ITFG1: variants seen among roughly 807,000 people sequenced by gnomAD.
ITFG1 encodes the protein integrin alpha FG-GAP repeat containing 1.
A neutral mutation model predicts 81.8 loss-of-function variants in ITFG1; 34 were observed. That is an observed-to-expected ratio of 0.42 (90% confidence interval 0.32 to 0.55). The LOEUF is 0.55. Ranked by LOEUF, ITFG1 falls within the 20% of genes least tolerant of loss-of-function variation. ITFG1 has a pLI of 0.17. For missense variants in ITFG1, 672 were observed against 755.4 expected (o/e 0.89, Z 1.29); for synonymous variants, 285 against 270.6 (o/e 1.05, Z -0.52).
chr16:47,332,621 G>A (rs1967650876), intron 8 of ITFG1, among the ~76,000 whole-genome samples: 2 of 152,010 alleles, frequency 1.3e-5, no homozygotes, highest in South Asian at 2.1e-4. Flanking sequence ...ACTATAAAAG[G>A]CCATAGAAAT....
intron 14 of ITFG1, among the ~76,000 whole-genome samples, chr16:47,186,221 A>C (rs908606031): frequency 6.6e-6 from 1 of 152,222 alleles, no homozygotes; most frequent in Non-Finnish European, 1.5e-5. Flanking sequence ...AAGTATTCCA[A>C]TCAACAGAAA....
intron 16 of ITFG1, among the ~76,000 whole-genome samples, chr16:47,160,973 T>A (rs1218460167): frequency 6.6e-6 from 1 of 152,204 alleles, no homozygotes. Context: ...GGGACCCCAC[T>A]GGTTACATAT....
At chr16:47,352,754 C>T (rs147648765) in intron 8 of ITFG1, among the ~76,000 whole-genome samples, 3,566 of 152,238 alleles carry the variant, frequency 0.023, 57 homozygotes, top group Non-Finnish European at 0.039. Flanking sequence ...AAGACACATG[C>T]ACACATATGT....
intron 13 of ITFG1, among the ~76,000 whole-genome samples, chr16:47,219,169 A>C (rs999968950): frequency 6.6e-6 from 1 of 152,184 alleles, no homozygotes; most frequent in Non-Finnish European, 1.5e-5. Flanking sequence ...AAAATTCTTA[A>C]GACTTTAAAT....
At chr16:47,223,268 C>G (rs941205861) in intron 13 of ITFG1, among the ~76,000 whole-genome samples, 2 of 152,040 alleles carry the variant, frequency 1.3e-5, no homozygotes, top group Non-Finnish European at 2.9e-5. Flanking sequence ...TTCTGCACAG[C>G]AAAAGAAACT....
chr16:47,415,612 G>C (rs1215489967), intron 6 of ITFG1, among the ~76,000 whole-genome samples: 1 of 152,084 alleles, frequency 6.6e-6, no homozygotes, highest in Non-Finnish European at 1.5e-5. Context: ...ATATGAAAAA[G>C]GAATTCCATT....
intron 14 of ITFG1, among the ~76,000 whole-genome samples, chr16:47,164,156 T>A (rs1031990059): frequency 6.6e-6 from 1 of 152,158 alleles, no homozygotes; most frequent in Admixed American, 6.5e-5. Context: ...TTTGTTGTTT[T>A]GTTACTGTTT....
chr16:47,355,409 T>C (rs1473459722), intron 8 of ITFG1, among the ~76,000 whole-genome samples: 3 of 152,114 alleles, frequency 2.0e-5, no homozygotes, highest in African/African-American at 4.8e-5. Flanking sequence ...GAGAGCTTGG[T>C]CAAAGGGCAC....
At chr16:47,439,809 T>C (rs149702941) in intron 5 of ITFG1, among the ~76,000 whole-genome samples, 1 of 152,186 alleles carries the variant, frequency 6.6e-6, no homozygotes, top group South Asian at 2.1e-4. Context: ...AACATCATAA[T>C]GACAGGATAA....
intron 6 of ITFG1, among the ~76,000 whole-genome samples, chr16:47,381,549 G>A (rs1188065099): frequency 1.3e-5 from 2 of 152,034 alleles, no homozygotes; most frequent in African/African-American, 2.4e-5. Context: ...ACAAAGAATG[G>A]CTCAAAGCAG....
intron 6 of ITFG1, among the ~76,000 whole-genome samples, chr16:47,419,550 G>A (rs1225010424): frequency 6.6e-6 from 1 of 151,468 alleles, no homozygotes; most frequent in African/African-American, 2.4e-5. Context: ...GGGATTATAG[G>A]CGTGAGCCAC....
chr16:47,443,488 G>A (rs1969282438), intron 5 of ITFG1, among the ~76,000 whole-genome samples: 1 of 152,026 alleles, frequency 6.6e-6, no homozygotes, highest in Non-Finnish European at 1.5e-5. Flanking sequence ...GCAAAGAGTT[G>A]GAAACAACCC....
At chr16:47,365,522 G>C (rs945153298) in intron 8 of ITFG1, 1 of 334,718 alleles carries the variant, frequency 3.0e-6, no homozygotes, top group Non-Finnish European at 5.4e-6. Context: ...TCTAGAAAAA[G>C]TCTCAGTAGT....
intron 13 of ITFG1, among the ~76,000 whole-genome samples, chr16:47,225,223 A>G (rs542279890): frequency 6.6e-6 from 1 of 152,266 alleles, no homozygotes; most frequent in South Asian, 2.1e-4. Flanking sequence ...AAGATATGTC[A>G]ATTCATATTA....
At chr16:47,349,566 C>T (rs990349561) in intron 8 of ITFG1, among the ~76,000 whole-genome samples, 1 of 152,104 alleles carries the variant, frequency 6.6e-6, no homozygotes, top group East Asian at 1.9e-4. Flanking sequence ...ACAGCAAGTC[C>T]TTAGAGACCT....
At chr16:47,181,566 C>G (rs1316931196) in intron 14 of ITFG1, among the ~76,000 whole-genome samples, 1 of 146,412 alleles carries the variant, frequency 6.8e-6, no homozygotes, top group Non-Finnish European at 1.5e-5. Context: ...GGGGGTCAGC[C>G]CCCCCGCCCG....
At chr16:47,317,404 A>G (rs1367519405) in intron 8 of ITFG1, 2 of 152,220 alleles carry the variant, frequency 1.3e-5, no homozygotes, top group Non-Finnish European at 1.5e-5. Flanking sequence ...AAGTTCACAT[A>G]TATCACTTAT....
intron 5 of ITFG1, among the ~76,000 whole-genome samples, chr16:47,433,673 G>A (rs1261537758): frequency 6.7e-6 from 1 of 150,082 alleles, no homozygotes; most frequent in African/African-American, 2.5e-5. Flanking sequence ...TATTTTATAC[G>A]GTGTCTATTT....
At chr16:47,352,229 G>A (rs1438942241) in intron 8 of ITFG1, among the ~76,000 whole-genome samples, 1 of 152,148 alleles carries the variant, frequency 6.6e-6, no homozygotes, top group Non-Finnish European at 1.5e-5. Flanking sequence ...AAACTAAAGA[G>A]CTTCTGCACA....
Sources: gnomAD v4.1 joint callset for allele counts (sites outside exome capture counted in the v4.1 genomes callset) on GRCh38, gnomAD v4.1.1 for gene constraint, MANE v1.5 for transcripts, NCBI Gene and HGNC (gene_info 2026-07-23, HGNC 2026-07-21) for gene names.